The following EPHB2 variants were observed in gnomAD, a reference collection of about 807,000 sequenced individuals.
EPHB2 encodes the protein EPH receptor B2.
Under a neutral mutation model 96.4 loss-of-function variants are expected in EPHB2, and 18 were observed. The observed-to-expected ratio is 0.19, with a 90% CI of 0.13 to 0.28. The LOEUF (loss-of-function observed/expected upper bound fraction) is 0.28. Among genes scored for constraint, EPHB2 ranks in the 10% least tolerant of loss-of-function variants. The probability of loss-of-function intolerance (pLI) is 1.00; values close to 1 mark genes in which losing one functional copy is unlikely to be tolerated. For missense variants in EPHB2, 989 were observed against 1,355.4 expected (o/e 0.73, Z 4.25); for synonymous variants, 506 against 534.1 (o/e 0.95, Z 0.72).
At chr1:22,861,093 C>T (rs1290379806) in intron 3 of EPHB2, among the ~76,000 whole-genome samples, 1 of 152,230 alleles carries the variant, frequency 6.6e-6, no homozygotes, top group Non-Finnish European at 1.5e-5. Context: ...TGGCTTAGTA[C>T]TGCCAGGAAC....
rs141980166 is a variant in EPHB2 at position 22,781,537 on chromosome 1, C to G, written c.126+52C>G. On this transcript the variant is annotated intron_variant, in intron 2 of 15. Coordinates refer to ENST00000374630, the MANE Select transcript of EPHB2 (RefSeq NM_017449.5). ...ATTGGTCCCCAGGATCCCTCAAGCC[C>G]TGCTGCAGGGCCCGAATGCCCCCTC... is the stretch of plus-strand genomic sequence containing the variant. 2,095 of 1,584,700 alleles carry G rather than the reference C, an allele frequency of 1.3e-3. 25 individuals carry two copies. In the African/African-American group the frequency reaches 0.025, roughly 19 times the overall value.
chr1:22,760,949 A>C (rs1295115160), intron 1 of EPHB2, among the ~76,000 whole-genome samples: 1 of 152,178 alleles, frequency 6.6e-6, no homozygotes, highest in Non-Finnish European at 1.5e-5. Context: ...AGGTGAATGC[A>C]TGTGACCAAG....
intron 5 of EPHB2, among the ~76,000 whole-genome samples, chr1:22,874,906 A>G (rs995135107): frequency 3.3e-5 from 5 of 152,196 alleles, no homozygotes; most frequent in African/African-American, 4.8e-5. Context: ...TCTGAGGCCA[A>G]ATGAGCCTGC....
In EPHB2 at chr1:22,748,747, C is replaced by T. The variant is rs1029803059; in HGVS notation, c.62-32674C>T. 1.7e-4 allele frequency among the ~76,000 whole-genome samples: 25 copies of T among 150,018 alleles called. 1 individual carries two copies. The highest frequency in any genetic ancestry group is 5.9e-4 in the African/African-American group (24 of 40,886). On this transcript the variant is annotated intron_variant, in intron 1 of 15. Coordinates refer to ENST00000374630, the MANE Select transcript of EPHB2 (RefSeq NM_017449.5). ...ATATATGTACATACATAAACACACA[C>T]ATATATGATATTAAAATAAAATAAA...
intron 6 of EPHB2, among the ~76,000 whole-genome samples, chr1:22,889,112 G>A (rs878935843): frequency 6.6e-6 from 1 of 152,112 alleles, no homozygotes; most frequent in East Asian, 1.9e-4. Context: ...CCATAATCGC[G>A]CCACTGCACT....
At chr1:22,904,356 G>T (rs1015467470) in intron 9 of EPHB2, among the ~76,000 whole-genome samples, 1 of 151,296 alleles carries the variant, frequency 6.6e-6, no homozygotes, top group Non-Finnish European at 1.5e-5. Context: ...GATTTTTTGA[G>T]AACTTTTATT....
At chr1:22,800,724 G>GCA (rs397704277) in intron 3 of EPHB2, among the ~76,000 whole-genome samples, 1 of 148,400 alleles carries the variant, frequency 6.7e-6, no homozygotes, top group Non-Finnish European at 1.5e-5. Flanking sequence ...GTGTGTGTGT[G>GCA]CACGCACATG....
chr1:22,902,229 T>C (rs1639775233), intron 9 of EPHB2, among the ~76,000 whole-genome samples: 1 of 152,216 alleles, frequency 6.6e-6, no homozygotes, highest in Non-Finnish European at 1.5e-5. Flanking sequence ...CAGTTAAATA[T>C]TGACAGTTTC....
At chr1:22,894,175 C>T (rs1639480171) in intron 7 of EPHB2, among the ~76,000 whole-genome samples, 1 of 152,158 alleles carries the variant, frequency 6.6e-6, no homozygotes, top group African/African-American at 2.4e-5. Context: ...GAGACTGTCC[C>T]AAGATCCTTT....
chr1:22,806,480 C>A (rs548942071), intron 3 of EPHB2, among the ~76,000 whole-genome samples: 1 of 76,220 alleles, frequency 1.3e-5, no homozygotes, highest in Non-Finnish European at 3.1e-5. Context: ...GATGGATGGA[C>A]GGACGGACGG....
rs375004699 is a variant in EPHB2 at position 22,882,366 on chromosome 1, G to A, written c.1311G>A (p.Ser437=). ...CTCTGGCCTCTCTTCCAGCTCCATC[G>A]GCAGTGTCCATCATGCATCAGGTGA... ...VNITTNQAAP[S]AVSIMHQVSR... is the part of the protein sequence containing the mutation. Residue 437 remains serine (S), a synonymous_variant, in exon 6 of 16, where the codon TCG becomes TCA. Coordinates refer to ENST00000374630, the MANE Select transcript of EPHB2 (RefSeq NM_017449.5). 132 of 1,613,770 alleles carry A rather than the reference G, an allele frequency of 8.2e-5. No homozygotes were observed. The highest frequency in any genetic ancestry group is 1.8e-4 in the Admixed American group (11 of 59,990).
chr1:22,797,546 C>T (rs1238734869), intron 3 of EPHB2, among the ~76,000 whole-genome samples: 1 of 152,116 alleles, frequency 6.6e-6, no homozygotes, highest in African/African-American at 2.4e-5. Flanking sequence ...CTCCACCCAG[C>T]CCCACAGCTT....
chr1:22,890,267 C>T (rs1016493967), intron 6 of EPHB2, among the ~76,000 whole-genome samples: 1 of 152,152 alleles, frequency 6.6e-6, no homozygotes, highest in African/African-American at 2.4e-5. Context: ...GCACCCACAG[C>T]AAGTGCTCTG....
intron 3 of EPHB2, among the ~76,000 whole-genome samples, chr1:22,803,623 ATATATATGTGTATATATATGTG>A (rs1214235979): frequency 1.4e-3 from 1 of 740 alleles, no homozygotes; most frequent in African/African-American, 2.5e-3. Flanking sequence ...AATAATATAT[ATATATATGTGTATATATATGTG>A]TATATATATA....
rs151120961 is a variant in EPHB2, at chr1:22,822,350, G to A, written c.811+37274G>A. On this transcript the variant is annotated intron_variant, in intron 3 of 15. Transcript: ENST00000374630. ...AATTTAAAAAAAAAAGGAAAGTGAT[G>A]GAAAAGACCTACCAAACAATGCTAA... is the stretch of plus-strand genomic sequence containing the variant. 4.3e-3 allele frequency among the ~76,000 whole-genome samples: 657 copies of A among 151,866 alleles called. 8 individuals carry two copies. Among genetic ancestry groups the A allele is most frequent in the African/African-American group, 0.015 (619 of 41,406 alleles).
At chr1:22,764,034 A>G (rs141470349) in intron 1 of EPHB2, among the ~76,000 whole-genome samples, 57 of 152,248 alleles carry the variant, frequency 3.7e-4, no homozygotes, top group African/African-American at 1.3e-3. Flanking sequence ...TAATCCCCAC[A>G]TCTCACGATT....
At chr1:22,786,330 T>C (rs1276656017) in intron 3 of EPHB2, among the ~76,000 whole-genome samples, 1 of 152,204 alleles carries the variant, frequency 6.6e-6, no homozygotes, top group Non-Finnish European at 1.5e-5. Flanking sequence ...GCCTGTGAGC[T>C]GCAATGGTGG....
Position 22,906,104 on chromosome 1 carries a change from G to A in EPHB2, c.1883G>A (p.Gly628Glu), listed in dbSNP as rs757935489. ...ISCVKIEQVI[G>E]AGEFGEVCSG... Reference sequence around the variant, plus strand: ...TGTGTCAAAATTGAGCAGGTGATCGGAGCAGGTAGGTGGCTGGTACTCTCA... The same window carrying A: ...TGTGTCAAAATTGAGCAGGTGATCGAAGCAGGTAGGTGGCTGGTACTCTCA... Residue 628 changes from glycine (G) to glutamate (E), a missense_variant, in exon 10 of 16, where the codon GGA (glycine) becomes GAA (glutamate). Transcript: ENST00000374630. The surrounding 1 kb of genome is among the most constrained non-coding windows in gnomAD (Gnocchi z 4.8). 1 of 1,614,148 alleles carries A rather than the reference G, an allele frequency of 6.2e-7. No individual in the cohort carries two copies. The highest frequency in any genetic ancestry group is 8.5e-7 in the Non-Finnish European group (1 of 1,180,032).
chr1:22,733,112 A>G lies in EPHB2; in HGVS notation c.61+22069A>G, dbSNP rs1444030355. ...CGCCCAGACTGGAATGCAATGGCGT[A>G]GTCTTGGCTCACTGCAACCTCTGCC... is the stretch of plus-strand genomic sequence containing the variant. On this transcript the variant is annotated intron_variant, in intron 1 of 15. Transcript: ENST00000374630. The surrounding 1 kb of genome is among the most constrained non-coding windows in gnomAD (Gnocchi z 4.6). Among the ~76,000 whole-genome samples the G allele has an allele frequency of 6.6e-6, 1 of 151,484 alleles. No homozygotes were observed. Among genetic ancestry groups the G allele is most frequent in the Non-Finnish European group, 1.5e-5 (1 of 67,938 alleles).
Sources: gnomAD v4.1 joint callset for allele counts (sites outside exome capture counted in the v4.1 genomes callset) on GRCh38, gnomAD v4.1.1 for gene constraint, Gnocchi (gnomAD v3.1) non-coding constraint, MANE v1.5 for transcripts, NCBI Gene and HGNC (gene_info 2026-07-23, HGNC 2026-07-21) for gene names.